ASPRV1: variants seen among roughly 807,000 people sequenced by gnomAD.
ASPRV1 encodes aspartic peptidase retroviral like 1.
A neutral mutation model predicts 11.0 loss-of-function variants in ASPRV1; 7 were observed. The ratio of observed to expected loss-of-function variants is 0.64; its 90% confidence interval spans 0.36 to 1.20. The LOEUF (loss-of-function observed/expected upper bound fraction) is 1.20. ASPRV1 is among the 50% of genes most tolerant of loss of function. The probability of loss-of-function intolerance (pLI) is 0.02; values close to 1 mark genes in which losing one functional copy is unlikely to be tolerated. For missense variants in ASPRV1, 299 were observed against 320.0 expected (o/e 0.93, Z 0.50); for synonymous variants, 136 against 138.4 (o/e 0.98, Z 0.12).
At chr2:69,964,550 A>G (rs1678271285), upstream of ASPRV1, 2 of 270,974 alleles carry the variant, frequency 7.4e-6, no homozygotes, top group South Asian at 6.6e-5. Context: ...GAGGTGCCCC[A>G]TGAGCTAAAC....
At chr2:69,977,136 AC>A in the ASPRV1 span, among the ~76,000 whole-genome samples, 1 of 151,942 alleles carries the variant, frequency 6.6e-6, no homozygotes, top group South Asian at 2.1e-4. Flanking sequence ...AGGTTGCACC[AC>A]TGCACTCCAG....
chr2:70,050,840 G>C, the ASPRV1 span: 1 of 152,172 alleles, frequency 6.6e-6, no homozygotes. Flanking sequence ...CTACTCACGA[G>C]GCTGAGGCAG....
the ASPRV1 span, among the ~76,000 whole-genome samples, chr2:69,943,830 T>TA: frequency 3.9e-5 from 6 of 152,218 alleles, no homozygotes; most frequent in Non-Finnish European, 8.8e-5. Context: ...CTGTTTTTGT[T>TA]ACACCAGGAG....
At chr2:69,936,068 A>G in the ASPRV1 span, among the ~76,000 whole-genome samples, 1 of 151,622 alleles carries the variant, frequency 6.6e-6, no homozygotes, top group Non-Finnish European at 1.5e-5. Context: ...ATATTGTCTT[A>G]CTTTAGGGCC....
chr2:70,009,211 G>A, the ASPRV1 span, among the ~76,000 whole-genome samples: 1 of 151,952 alleles, frequency 6.6e-6, no homozygotes, highest in Admixed American at 6.5e-5. Context: ...TGGGGGAAGG[G>A]GTGCAAGAAG....
At chr2:70,078,776 C>A in the ASPRV1 span, among the ~76,000 whole-genome samples, 1 of 152,170 alleles carries the variant, frequency 6.6e-6, no homozygotes, top group East Asian at 1.9e-4. Flanking sequence ...GGATTTTAAT[C>A]TGGGCACCCA....
the ASPRV1 span, among the ~76,000 whole-genome samples, chr2:70,080,463 G>A: frequency 6.6e-6 from 1 of 152,134 alleles, no homozygotes; most frequent in African/African-American, 2.4e-5. Context: ...CTGACCTCAG[G>A]TGATCTGCCC....
chr2:70,021,698 T>C, the ASPRV1 span, among the ~76,000 whole-genome samples: 1 of 151,322 alleles, frequency 6.6e-6, no homozygotes, highest in African/African-American at 2.4e-5. Flanking sequence ...TTAAAATACG[T>C]TAAGAGAATA....
At chr2:69,939,465 G>A in the ASPRV1 span, 1 of 152,502 alleles carries the variant, frequency 6.6e-6, no homozygotes, top group Non-Finnish European at 1.5e-5. Flanking sequence ...TTTTATTTAA[G>A]CTAAAACAGA....
chr2:70,004,761 T>C, the ASPRV1 span, among the ~76,000 whole-genome samples: 3 of 152,156 alleles, frequency 2.0e-5, no homozygotes, highest in African/African-American at 7.2e-5. Context: ...CACCTAAGCC[T>C]CAGCATTTTC....
chr2:70,022,355 A>G, the ASPRV1 span, among the ~76,000 whole-genome samples: 1 of 90,920 alleles, frequency 1.1e-5, no homozygotes, highest in African/African-American at 6.4e-5. Flanking sequence ...AAACACACAC[A>G]CACACTTACA....
the ASPRV1 span, among the ~76,000 whole-genome samples, chr2:69,945,709 G>A: frequency 6.6e-6 from 1 of 152,238 alleles, no homozygotes; most frequent in East Asian, 1.9e-4. Flanking sequence ...AATGGGACAG[G>A]CGAACCATCT....
At chr2:70,014,164 T>C in the ASPRV1 span, among the ~76,000 whole-genome samples, 1 of 152,182 alleles carries the variant, frequency 6.6e-6, no homozygotes, top group Non-Finnish European at 1.5e-5. Flanking sequence ...ATAGATATAT[T>C]GGACCTCATG....
At chr2:70,068,604 T>C in the ASPRV1 span, among the ~76,000 whole-genome samples, 1 of 151,850 alleles carries the variant, frequency 6.6e-6, no homozygotes, top group East Asian at 1.9e-4. Flanking sequence ...GTAAGGAAGA[T>C]CTACAAATGA....
At chr2:70,055,326 C>G in the ASPRV1 span, among the ~76,000 whole-genome samples, 1 of 151,740 alleles carries the variant, frequency 6.6e-6, no homozygotes, top group African/African-American at 2.4e-5. Context: ...GAAAAAGACA[C>G]GCACACGTAT....
the ASPRV1 span, among the ~76,000 whole-genome samples, chr2:70,021,709 C>CTT: frequency 7.4e-6 from 1 of 134,754 alleles, no homozygotes; most frequent in Non-Finnish European, 1.6e-5. Flanking sequence ...TAAGAGAATA[C>CTT]TTTTTTTTTT....
chr2:70,047,996 C>A, the ASPRV1 span, among the ~76,000 whole-genome samples: 1 of 150,626 alleles, frequency 6.6e-6, no homozygotes, highest in East Asian at 2.0e-4. Context: ...GTAATCCCAG[C>A]TACTCAGGAG....
At chr2:69,955,872 T>C (rs1036360351), downstream of ASPRV1, among the ~76,000 whole-genome samples, 5 of 151,954 alleles carry the variant, frequency 3.3e-5, no homozygotes, top group East Asian at 3.9e-4. Flanking sequence ...GTGGACTCTA[T>C]GGTTTTCTTC....
At chr2:70,074,240 C>T in the ASPRV1 span, among the ~76,000 whole-genome samples, 1 of 148,990 alleles carries the variant, frequency 6.7e-6, no homozygotes, top group Admixed American at 6.7e-5. Context: ...TTCCTATGAT[C>T]AATTACAGAA....
Sources: gnomAD v4.1 joint callset for allele counts (sites outside exome capture counted in the v4.1 genomes callset) on GRCh38, gnomAD v4.1.1 for gene constraint, MANE v1.5 for transcripts, NCBI Gene and HGNC (gene_info 2026-07-23, HGNC 2026-07-21) for gene names.